Variants in LRRTM4 observed in about 807,000 individuals in gnomAD.
The protein encoded by LRRTM4 is leucine rich repeat transmembrane neuronal 4.
Under a neutral mutation model 47.6 loss-of-function variants are expected in LRRTM4, and 25 were observed. The ratio of observed to expected loss-of-function variants is 0.53; its 90% CI spans 0.38 to 0.73. The LOEUF (loss-of-function observed/expected upper bound fraction) is 0.73, where lower values mean the gene tolerates loss of function less well. LRRTM4 is among the 30% of genes least tolerant of loss of function. LRRTM4 has a pLI of 0.00. For synonymous variants in LRRTM4, 311 were observed against 269.5 expected (o/e 1.15, Z -1.51); for missense variants, 638 against 713.4 (o/e 0.89, Z 1.20).
intron 3 of LRRTM4, among the ~76,000 whole-genome samples, chr2:77,288,046 T>C (rs575387568): frequency 6.6e-6 from 1 of 152,106 alleles, no homozygotes; most frequent in South Asian, 2.1e-4. Flanking sequence ...CATTGGTCTA[T>C]GGTTAGAAAG....
At chr2:76,848,261 A>C (rs960067211) in intron 3 of LRRTM4, among the ~76,000 whole-genome samples, 6 of 152,150 alleles carry the variant, frequency 3.9e-5, no homozygotes, top group Non-Finnish European at 8.8e-5. Flanking sequence ...TAAACACTGT[A>C]ATTCATTCTA....
chr2:76,894,831 C>A (rs990008156), intron 3 of LRRTM4, among the ~76,000 whole-genome samples: 1 of 151,090 alleles, frequency 6.6e-6, no homozygotes, highest in Non-Finnish European at 1.5e-5. Context: ...GCATATAATA[C>A]GTCTGTTGCA....
chr2:77,321,953 A>G (rs974792940), intron 3 of LRRTM4, among the ~76,000 whole-genome samples: 3 of 152,166 alleles, frequency 2.0e-5, no homozygotes, highest in Admixed American at 6.5e-5. Context: ...TCTTGAGAGG[A>G]TTGAAGAAGA....
At chr2:77,468,225 T>C (rs1390306826) in intron 3 of LRRTM4, among the ~76,000 whole-genome samples, 1 of 152,160 alleles carries the variant, frequency 6.6e-6, no homozygotes, top group African/African-American at 2.4e-5. Context: ...ATCAATTATT[T>C]ATATGTTTAG....
chr2:76,935,265 T>C (rs896248079), intron 3 of LRRTM4, among the ~76,000 whole-genome samples: 1 of 152,160 alleles, frequency 6.6e-6, no homozygotes, highest in African/African-American at 2.4e-5. Flanking sequence ...CCTCGTAGTA[T>C]AGTGTGAAGT....
At chr2:76,834,915 C>G (rs372167963) in intron 3 of LRRTM4, among the ~76,000 whole-genome samples, 202 of 152,238 alleles carry the variant, frequency 1.3e-3, no homozygotes, top group African/African-American at 4.5e-3. Context: ...AAAGTTTGAT[C>G]TTCCCTTTAG....
At chr2:77,057,858 T>C (rs1297047696) in intron 3 of LRRTM4, among the ~76,000 whole-genome samples, 2 of 152,096 alleles carry the variant, frequency 1.3e-5, no homozygotes, top group African/African-American at 4.8e-5. Context: ...AAGAATAAGA[T>C]TCATCATAAC....
intron 3 of LRRTM4, among the ~76,000 whole-genome samples, chr2:76,977,442 C>T (rs1271170145): frequency 4.0e-5 from 6 of 151,816 alleles, no homozygotes; most frequent in African/African-American, 1.4e-4. Context: ...TGTAAGCTAA[C>T]TCTGAAAAAT....
At chr2:77,153,952 G>T (rs1456225135) in intron 3 of LRRTM4, among the ~76,000 whole-genome samples, 1 of 152,146 alleles carries the variant, frequency 6.6e-6, no homozygotes, top group Non-Finnish European at 1.5e-5. Context: ...TAAGATATAA[G>T]AAATATTTTA....
intron 3 of LRRTM4, among the ~76,000 whole-genome samples, chr2:77,004,367 C>G (rs1334223496): frequency 6.6e-6 from 1 of 152,282 alleles, no homozygotes; most frequent in African/African-American, 2.4e-5. Flanking sequence ...TAAAAGAGAC[C>G]AAAGTGTATC....
At chr2:77,367,117 T>A (rs1012268747) in intron 3 of LRRTM4, among the ~76,000 whole-genome samples, 1 of 151,836 alleles carries the variant, frequency 6.6e-6, no homozygotes, top group Non-Finnish European at 1.5e-5. Flanking sequence ...CTGAATGTAT[T>A]GATTTCTCGG....
intron 3 of LRRTM4, among the ~76,000 whole-genome samples, chr2:77,508,352 T>C (rs1256312335): frequency 6.6e-6 from 1 of 152,060 alleles, no homozygotes. Context: ...TAAGGGCTCG[T>C]AGAGGACAAG....
chr2:76,946,466 C>G (rs997945591), intron 3 of LRRTM4, among the ~76,000 whole-genome samples: 2 of 151,692 alleles, frequency 1.3e-5, no homozygotes, highest in East Asian at 3.9e-4. Context: ...GTCCAGTACT[C>G]CGACTTGTGC....
In LRRTM4 at chr2:77,000,718, G is replaced by A. The variant is rs141873295; in HGVS notation, c.1552-251802C>T. Reference sequence around the variant, plus strand: ...TTATAGAACTCAAGAGTAGTAGAATGACTAAAATTATTTTTGTCATTCCTA... The same window carrying A: ...TTATAGAACTCAAGAGTAGTAGAATAACTAAAATTATTTTTGTCATTCCTA... On this transcript the variant is annotated intron_variant, in intron 3 of 3. Coordinates refer to ENST00000409884, the MANE Select transcript of LRRTM4 (RefSeq NM_001134745.3). 2.6e-5 allele frequency among the ~76,000 whole-genome samples: 4 copies of A among 152,108 alleles called. No individual in the cohort carries two copies. In the South Asian group the frequency reaches 8.3e-4, roughly 32 times the overall value.
intron 3 of LRRTM4, among the ~76,000 whole-genome samples, chr2:76,990,438 TC>T (rs1220416051): frequency 6.6e-6 from 1 of 151,530 alleles, no homozygotes; most frequent in Non-Finnish European, 1.5e-5. Context: ...ACACCTAGGC[TC>T]AAAGAGTTGG....
rs56140303 is a variant in LRRTM4, at chr2:76,936,954, CA to C, written c.1552-188039del. Among the ~76,000 whole-genome samples, 126 of 22,662 alleles carry C rather than the reference CA, an allele frequency of 5.6e-3. 1 individual carries two copies. The highest frequency in any genetic ancestry group is 0.015 in the African/African-American group (110 of 7,344). The allele number at this position is 22,662 out of a possible 152,430, so 14.9% of individuals were successfully genotyped here. A position where few individuals can be genotyped will look rare whatever the true frequency, so the allele number is the denominator to read the frequency against. On this transcript the variant is annotated intron_variant, in intron 3 of 3. Transcript: ENST00000409884. The stretch of plus-strand genomic sequence containing the variant: ...TGGGCGACAGAGCAAGACTCCATCT[CA>C]AAAAAAAAAAAAAAAAAAAAAAAAA...
intron 3 of LRRTM4, among the ~76,000 whole-genome samples, chr2:77,067,281 T>A (rs574825226): frequency 7.3e-4 from 111 of 152,126 alleles, no homozygotes; most frequent in Middle Eastern, 3.4e-3. Context: ...TCCTGAAAAC[T>A]AAAGGAATTT....
chr2:77,335,593 T>A (rs1437880576), intron 3 of LRRTM4, among the ~76,000 whole-genome samples: 1 of 152,218 alleles, frequency 6.6e-6, no homozygotes, highest in Non-Finnish European at 1.5e-5. Flanking sequence ...TCTTTTGGAA[T>A]TTGTTCTTGC....
chr2:76,796,634 G>A (rs1675341439), intron 3 of LRRTM4, among the ~76,000 whole-genome samples: 1 of 107,190 alleles, frequency 9.3e-6, no homozygotes, highest in Non-Finnish European at 1.8e-5. Context: ...AAACAGAAAG[G>A]ACATCCACAC....
Sources: allele counts gnomAD v4.1 joint callset (sites outside exome capture counted in the v4.1 genomes callset), GRCh38; gene constraint gnomAD v4.1.1; transcripts MANE v1.5; gene names NCBI Gene and HGNC (gene_info 2026-07-23, HGNC 2026-07-21).